Variants in KCNJ12 observed in about 807,000 individuals in gnomAD.
KCNJ12 encodes potassium inwardly rectifying channel subfamily J member 12.
In KCNJ12, 2 loss-of-function variants were observed where a neutral mutation model predicts 22.3. The observed-to-expected ratio is 0.09, with a 90% confidence interval of 0.04 to 0.28. The LOEUF (loss-of-function observed/expected upper bound fraction) is 0.28. Ranked by LOEUF, KCNJ12 falls within the 10% of genes least tolerant of loss-of-function variation. The pLI is 1.00. For missense variants in KCNJ12, 155 were observed against 633.3 expected (o/e 0.24, Z 8.11); for synonymous variants, 117 against 261.4 (o/e 0.45, Z 5.33).
chr17:21,402,172 C>G (rs1905653092), intron 1 of KCNJ12, among the ~76,000 whole-genome samples: 1 of 152,310 alleles, frequency 6.6e-6, no homozygotes, highest in Admixed American at 6.5e-5. Context: ...GCTGCCCTCC[C>G]CTGGCCTCAG....
chr17:21,405,206 G>T, intron 1 of KCNJ12: 1 of 153,106 alleles, frequency 6.5e-6, no homozygotes, highest in Non-Finnish European at 1.5e-5. Flanking sequence ...TGCTTTCAGT[G>T]CCCACGTGGT....
intron 1 of KCNJ12, among the ~76,000 whole-genome samples, chr17:21,388,330 G>A (rs544795260): frequency 6.6e-4 from 100 of 152,278 alleles, no homozygotes; most frequent in Non-Finnish European, 1.2e-3. Flanking sequence ...ACCCCATCCC[G>A]TGCCAGCGTT....
At chr17:21,389,496 C>T (rs562568883) in intron 1 of KCNJ12, among the ~76,000 whole-genome samples, 10 of 152,326 alleles carry the variant, frequency 6.6e-5, no homozygotes, top group African/African-American at 1.7e-4. Flanking sequence ...TGTGTGATAC[C>T]GCAGTTTGTG....
intron 2 of KCNJ12, among the ~76,000 whole-genome samples, chr17:21,413,680 G>A (rs1906510595): frequency 6.6e-6 from 1 of 152,312 alleles, no homozygotes; most frequent in Non-Finnish European, 1.5e-5. Flanking sequence ...GCCTGTCACT[G>A]ACAGGCCAGT....
chr17:21,400,783 G>T (rs1410438971), intron 1 of KCNJ12, among the ~76,000 whole-genome samples: 1 of 152,312 alleles, frequency 6.6e-6, no homozygotes, highest in African/African-American at 2.4e-5. Context: ...TAGGGCCACA[G>T]AGGAAACCAG....
At chr17:21,397,413 G>A (rs782130923) in intron 1 of KCNJ12, among the ~76,000 whole-genome samples, 5 of 152,150 alleles carry the variant, frequency 3.3e-5, no homozygotes, top group African/African-American at 4.8e-5. Flanking sequence ...TGTGGGGAGC[G>A]GATCACCGGC....
Position 21,417,234 on chromosome 17 carries a change from T to C in KCNJ12, c.*590T>C, listed in dbSNP as rs1906897547. ...GGTGGGACTGGCCTCTCCCCGTGTG[T>C]GTGGGCACCACAGTCCCTGGGCAAG... is the stretch of plus-strand genomic sequence containing the variant. On this transcript the variant is annotated 3_prime_UTR_variant, in exon 3 of 3. Transcript: ENST00000583088. The C allele has an allele frequency of 6.0e-6, 1 of 167,514 alleles. No homozygotes were observed. The highest frequency in any genetic ancestry group is 1.5e-5 in the Non-Finnish European group (1 of 68,482). 10.4% of individuals were successfully genotyped at this position (167,514 alleles called of 1,614,324 possible). A position where few individuals can be genotyped will look rare whatever the true frequency, so the allele number is the denominator to read the frequency against.
chr17:21,409,645 C>G (rs1416531117), intron 2 of KCNJ12, among the ~76,000 whole-genome samples: 8 of 152,304 alleles, frequency 5.3e-5, no homozygotes, highest in African/African-American at 1.7e-4. Context: ...CTGGCAGCAT[C>G]AGCTCCTCAG....
At chr17:21,387,073 G>A (rs1164372996) in intron 1 of KCNJ12, among the ~76,000 whole-genome samples, 2 of 152,076 alleles carry the variant, frequency 1.3e-5, no homozygotes, top group African/African-American at 2.4e-5. Flanking sequence ...GGAGAATGGC[G>A]TGAACCCGGG....
At chr17:21,408,927 C>G (rs1906147748) in intron 2 of KCNJ12, among the ~76,000 whole-genome samples, 1 of 152,426 alleles carries the variant, frequency 6.6e-6, no homozygotes, top group Middle Eastern at 3.4e-3. Context: ...TCTGGTCACC[C>G]CTATCGTCCA....
intron 1 of KCNJ12, among the ~76,000 whole-genome samples, chr17:21,400,803 T>A (rs79234799): frequency 0.19 from 25,460 of 136,784 alleles, no homozygotes; most frequent in African/African-American, 0.26. Flanking sequence ...GAAATAAGTG[T>A]TGCAGTACTT....
At chr17:21,412,339 A>G (rs1261194211) in intron 2 of KCNJ12, among the ~76,000 whole-genome samples, 1 of 152,292 alleles carries the variant, frequency 6.6e-6, no homozygotes, top group Non-Finnish European at 1.5e-5. Context: ...CACCCTCACC[A>G]GTCTGGTAGT....
At chr17:21,387,304 T>A (rs1905099515) in intron 1 of KCNJ12, among the ~76,000 whole-genome samples, 1 of 133,314 alleles carries the variant, frequency 7.5e-6, no homozygotes, top group East Asian at 2.3e-4. Context: ...TAGCCGGGCG[T>A]GGTGGCAGGC....
intron 1 of KCNJ12, among the ~76,000 whole-genome samples, chr17:21,401,151 G>T (rs1905601436): frequency 6.6e-6 from 1 of 152,252 alleles, no homozygotes; most frequent in Non-Finnish European, 1.5e-5. Context: ...CCCCTGCTTT[G>T]CCCGGCCCCC....
chr17:21,376,397 T>G lies in KCNJ12; in HGVS notation c.-695T>G, dbSNP rs1377888613. On this transcript the variant is annotated 5_prime_UTR_variant, in exon 1 of 3. Coordinates refer to ENST00000583088, the MANE Select transcript of KCNJ12 (RefSeq NM_021012.5). The surrounding 1 kb of genome is among the most constrained non-coding windows in gnomAD (Gnocchi z 5.3). Reference sequence around the variant, plus strand: ...GCTCCGGTGGAGCGAGGCGCGGAGCTGGGTGCGCGCCGAGCCTCTGCCTCC... The same window carrying G: ...GCTCCGGTGGAGCGAGGCGCGGAGCGGGGTGCGCGCCGAGCCTCTGCCTCC... 68 of 151,716 alleles carry G rather than the reference T, an allele frequency of 4.5e-4. No individual in the cohort carries two copies. Among genetic ancestry groups the G allele is most frequent in the African/African-American group, 1.6e-3 (68 of 41,396 alleles). The allele number at this position is 151,716 out of a possible 1,614,324, so 9.4% of individuals were successfully genotyped here.
At chr17:21,410,959 C>T (rs1369831222) in intron 2 of KCNJ12, among the ~76,000 whole-genome samples, 1 of 152,308 alleles carries the variant, frequency 6.6e-6, no homozygotes, top group African/African-American at 2.4e-5. Flanking sequence ...TGTGTTCGTG[C>T]CTCGTGAGGC....
chr17:21,388,171 C>A (rs140476904), intron 1 of KCNJ12, among the ~76,000 whole-genome samples: 32 of 152,318 alleles, frequency 2.1e-4, no homozygotes, highest in Non-Finnish European at 4.1e-4. Flanking sequence ...CTTATCCTTC[C>A]CGGCAGAGAA....
chr17:21,381,106 C>T lies in KCNJ12; in HGVS notation c.-179+4193C>T, dbSNP rs571642116. Among the ~76,000 whole-genome samples the T allele has an allele frequency of 1.2e-3, 180 of 152,326 alleles. 1 individual carries two copies. The highest frequency in any genetic ancestry group is 4.0e-3 in the African/African-American group (167 of 41,572). ...TCTCAGCTGCCCCAGGGAGCAGTTC[C>T]GCCTTGGCTGTGCATTAATGCTGTC... On this transcript the variant is annotated intron_variant, in intron 1 of 2. Transcript: ENST00000583088.
At chr17:21,411,497 C>G (rs1906347464) in intron 2 of KCNJ12, among the ~76,000 whole-genome samples, 1 of 152,312 alleles carries the variant, frequency 6.6e-6, no homozygotes, top group Non-Finnish European at 1.5e-5. Context: ...CCCAGCGCCC[C>G]TCTCCCATTC....
Sources: gnomAD v4.1 joint callset for allele counts (sites outside exome capture counted in the v4.1 genomes callset) on GRCh38, gnomAD v4.1.1 for gene constraint, Gnocchi (gnomAD v3.1) non-coding constraint, MANE v1.5 for transcripts, NCBI Gene and HGNC (gene_info 2026-07-23, HGNC 2026-07-21) for gene names.